LRMDA: variants seen among roughly 807,000 people sequenced by gnomAD.
The protein encoded by LRMDA is leucine-rich melanocyte differentiation-associated protein.
Under a neutral mutation model 29.8 loss-of-function variants are expected in LRMDA, and 18 were observed. That is an observed-to-expected ratio of 0.60 (90% CI 0.42 to 0.90). The LOEUF (loss-of-function observed/expected upper bound fraction) is 0.90. LRMDA is among the 40% of genes least tolerant of loss of function. LRMDA has a pLI of 0.00. For synonymous variants in LRMDA, 125 were observed against 109.4 expected (o/e 1.14, Z -0.89); for missense variants, 273 against 273.9 (o/e 1.00, Z 0.02).
intron 6 of LRMDA, among the ~76,000 whole-genome samples, chr10:76,426,840 G>C (rs6480816): frequency 0.85 from 129,177 of 152,124 alleles, 55,706 homozygotes; most frequent in Non-Finnish European, 0.94. Flanking sequence ...GTTTTCCCAG[G>C]ACCATTTGTT....
intron 2 of LRMDA, among the ~76,000 whole-genome samples, chr10:75,472,054 C>T (rs139832764): frequency 8.2e-4 from 125 of 152,270 alleles, no homozygotes; most frequent in South Asian, 7.1e-3. Context: ...CCAGTTTGAT[C>T]GTCTTACTCC....
intron 2 of LRMDA, among the ~76,000 whole-genome samples, chr10:76,012,393 G>A (rs1356986989): frequency 1.3e-5 from 2 of 152,264 alleles, no homozygotes; most frequent in South Asian, 4.2e-4. Flanking sequence ...CTATGGTGAA[G>A]AGCCAATGGG....
chr10:75,960,076 C>T (rs1378834146), intron 2 of LRMDA, among the ~76,000 whole-genome samples: 1 of 152,194 alleles, frequency 6.6e-6, no homozygotes, highest in Non-Finnish European at 1.5e-5. Context: ...CCCCTCCTGG[C>T]CAGTGCCCTC....
intron 2 of LRMDA, among the ~76,000 whole-genome samples, chr10:75,517,358 T>C (rs532975790): frequency 2.0e-5 from 3 of 152,350 alleles, no homozygotes; most frequent in East Asian, 1.9e-4. Context: ...CATTTGTTTG[T>C]GTCCTCTTTT....
At chr10:76,352,818 G>A (rs942354330) in intron 6 of LRMDA, among the ~76,000 whole-genome samples, 1 of 152,020 alleles carries the variant, frequency 6.6e-6, no homozygotes, top group Non-Finnish European at 1.5e-5. Flanking sequence ...TGGAATCAGG[G>A]ACAGGGGAGG....
chr10:75,890,083 G>A (rs183605888), intron 2 of LRMDA, among the ~76,000 whole-genome samples: 65 of 152,262 alleles, frequency 4.3e-4, no homozygotes, highest in African/African-American at 1.5e-3. Context: ...AAGGACTGGC[G>A]ACCTCAGTAG....
At chr10:76,355,230 G>A (rs923919209) in intron 6 of LRMDA, among the ~76,000 whole-genome samples, 2 of 152,098 alleles carry the variant, frequency 1.3e-5, no homozygotes, top group Non-Finnish European at 2.9e-5. Context: ...GACTAGAATC[G>A]GGAATAAGTG....
chr10:75,699,166 A>G (rs908600715), intron 2 of LRMDA, among the ~76,000 whole-genome samples: 2 of 150,248 alleles, frequency 1.3e-5, no homozygotes, highest in Non-Finnish European at 2.9e-5. Flanking sequence ...ACACCATTGT[A>G]CTCCAGCCTA....
chr10:76,279,019 G>A (rs1404912527), intron 5 of LRMDA, among the ~76,000 whole-genome samples: 1 of 152,130 alleles, frequency 6.6e-6, no homozygotes, highest in African/African-American at 2.4e-5. Flanking sequence ...TTCCTTGTCT[G>A]AACTGCAAGG....
At chr10:75,458,072 G>A (rs539991182) in intron 2 of LRMDA, among the ~76,000 whole-genome samples, 5 of 152,074 alleles carry the variant, frequency 3.3e-5, no homozygotes, top group Non-Finnish European at 7.4e-5. Context: ...ATCACAAATC[G>A]TCTGTGAAAT....
chr10:75,594,962 A>G (rs1564518203), intron 2 of LRMDA, among the ~76,000 whole-genome samples: 1 of 152,130 alleles, frequency 6.6e-6, no homozygotes, highest in Non-Finnish European at 1.5e-5. Context: ...AAAAAGGCTG[A>G]TTTAGTTTAT....
intron 5 of LRMDA, among the ~76,000 whole-genome samples, chr10:76,070,581 C>T (rs886492123): frequency 1.3e-4 from 20 of 152,182 alleles, no homozygotes; most frequent in African/African-American, 4.3e-4. Context: ...CAGGTAGAGT[C>T]CCATTGCAGG....
intron 5 of LRMDA, among the ~76,000 whole-genome samples, chr10:76,235,135 T>C (rs1252970107): frequency 1.3e-5 from 2 of 152,150 alleles, no homozygotes; most frequent in Admixed American, 6.5e-5. Flanking sequence ...GAGTTATAAA[T>C]TGGCCTAATT....
At chr10:75,513,683 A>AT (rs1845254456) in intron 2 of LRMDA, among the ~76,000 whole-genome samples, 1 of 152,012 alleles carries the variant, frequency 6.6e-6, no homozygotes, top group Non-Finnish European at 1.5e-5. Flanking sequence ...GGCTGCTAGC[A>AT]TTTTTTGGCT....
chr10:75,459,880 C>G (rs1844564464), intron 2 of LRMDA, among the ~76,000 whole-genome samples: 1 of 152,178 alleles, frequency 6.6e-6, no homozygotes, highest in African/African-American at 2.4e-5. Flanking sequence ...CTGCATTGCT[C>G]CATTCATGAA....
chr10:76,112,583 C>T (rs1185469106), intron 5 of LRMDA, among the ~76,000 whole-genome samples: 3 of 152,234 alleles, frequency 2.0e-5, no homozygotes, highest in African/African-American at 4.8e-5. Flanking sequence ...CAGCCTTCAG[C>T]ACCCTGGATC....
chr10:76,495,451 C>T (rs143554997), intron 6 of LRMDA, among the ~76,000 whole-genome samples: 82 of 151,902 alleles, frequency 5.4e-4, no homozygotes, highest in African/African-American at 1.9e-3. Flanking sequence ...AGAGAGATTT[C>T]TCCCACTTTA....
At chr10:76,002,792 A>G (rs1847583346) in intron 2 of LRMDA, among the ~76,000 whole-genome samples, 1 of 152,030 alleles carries the variant, frequency 6.6e-6, no homozygotes, top group South Asian at 2.1e-4. Flanking sequence ...TTTTTCCTAC[A>G]TTTCTGGGAA....
intron 6 of LRMDA, among the ~76,000 whole-genome samples, chr10:76,334,308 T>C (rs993276126): frequency 1.3e-5 from 2 of 152,228 alleles, no homozygotes; most frequent in African/African-American, 4.8e-5. Context: ...CTGTCTCTTG[T>C]AGAAAACTTT....
Sources: allele counts gnomAD v4.1 joint callset (sites outside exome capture counted in the v4.1 genomes callset), GRCh38; gene constraint gnomAD v4.1.1; transcripts MANE v1.5; gene names NCBI Gene and HGNC (gene_info 2026-07-23, HGNC 2026-07-21).